Variants in AKAP6 observed in about 807,000 individuals in gnomAD.
AKAP6 encodes the protein A-kinase anchoring protein 6.
Under a neutral mutation model 188.5 loss-of-function variants are expected in AKAP6, and 58 were observed. The ratio of observed to expected loss-of-function variants is 0.31; its 90% CI spans 0.25 to 0.38. AKAP6 has a LOEUF of 0.38. Among genes scored for constraint, AKAP6 ranks in the 10% least tolerant of loss-of-function variants. AKAP6 has a pLI of 1.00. For synonymous variants in AKAP6, 989 were observed against 998.6 expected (o/e 0.99, Z 0.18); for missense variants, 2,710 against 2,740.0 (o/e 0.99, Z 0.24).
chr14:32,584,976 A>G (rs955348746), intron 5 of AKAP6, among the ~76,000 whole-genome samples: 3 of 152,148 alleles, frequency 2.0e-5, no homozygotes, highest in Non-Finnish European at 4.4e-5. Flanking sequence ...TTTGAGTAGA[A>G]GCATAATAAA....
chr14:32,488,568 C>A (rs1232746544), intron 2 of AKAP6, among the ~76,000 whole-genome samples: 2 of 152,120 alleles, frequency 1.3e-5, no homozygotes, highest in African/African-American at 4.8e-5. Flanking sequence ...TTCCAGGCAC[C>A]ACTGGGATAT....
intron 7 of AKAP6, among the ~76,000 whole-genome samples, chr14:32,634,993 C>G (rs181059718): frequency 4.0e-5 from 6 of 151,834 alleles, no homozygotes; most frequent in Non-Finnish European, 7.4e-5. Flanking sequence ...GTGTACCCAT[C>G]ATGGGGTTAG....
chr14:32,685,967 A>G (rs73264882), intron 8 of AKAP6, among the ~76,000 whole-genome samples: 5,233 of 152,284 alleles, frequency 0.034, 285 homozygotes, highest in African/African-American at 0.11. Context: ...AAATCAGTAT[A>G]TGAAAGAAAT....
intron 1 of AKAP6, among the ~76,000 whole-genome samples, chr14:32,351,153 A>G (rs114693227): frequency 0.019 from 2,957 of 152,246 alleles, 92 homozygotes; most frequent in African/African-American, 0.066. Context: ...ATCTTACTTT[A>G]TTTTTAAGCA....
intron 7 of AKAP6, among the ~76,000 whole-genome samples, chr14:32,638,488 A>G (rs1887612672): frequency 6.6e-6 from 1 of 152,168 alleles, no homozygotes; most frequent in African/African-American, 2.4e-5. Context: ...AATAGTGAGA[A>G]GAAATGAGCA....
intron 1 of AKAP6, among the ~76,000 whole-genome samples, chr14:32,362,381 A>C (rs776833463): frequency 3.3e-5 from 5 of 152,246 alleles, no homozygotes; most frequent in Admixed American, 6.5e-5. Flanking sequence ...ATTAAAATGC[A>C]GCACATTAAT....
chr14:32,710,609 GA>G (rs933874498), intron 9 of AKAP6, among the ~76,000 whole-genome samples: 2 of 151,546 alleles, frequency 1.3e-5, no homozygotes, highest in East Asian at 1.9e-4. Flanking sequence ...AATCACAGAC[GA>G]AAAAAAACAG....
chr14:32,517,709 G>A (rs1474226586), intron 2 of AKAP6, among the ~76,000 whole-genome samples: 1 of 152,192 alleles, frequency 6.6e-6, no homozygotes, highest in Non-Finnish European at 1.5e-5. Flanking sequence ...GCTCGAACTG[G>A]GTGGAGCCCA....
intron 2 of AKAP6, among the ~76,000 whole-genome samples, chr14:32,497,789 A>G (rs541333665): frequency 1.3e-5 from 2 of 151,890 alleles, no homozygotes; most frequent in Non-Finnish European, 2.9e-5. Context: ...AAGTTCTTTC[A>G]GTTTTTGCTA....
intron 11 of AKAP6, among the ~76,000 whole-genome samples, chr14:32,773,313 T>C (rs1184184712): frequency 6.6e-6 from 1 of 152,234 alleles, no homozygotes; most frequent in African/African-American, 2.4e-5. Flanking sequence ...AGGATTTTTC[T>C]ATCTTCTGCG....
intron 2 of AKAP6, among the ~76,000 whole-genome samples, chr14:32,530,280 G>C (rs1363570155): frequency 6.6e-6 from 1 of 152,130 alleles, no homozygotes; most frequent in African/African-American, 2.4e-5. Context: ...TCCTGCCTCA[G>C]TCTCCCAAAG....
intron 1 of AKAP6, among the ~76,000 whole-genome samples, chr14:32,418,974 C>G (rs1285355042): frequency 6.6e-6 from 1 of 151,986 alleles, no homozygotes; most frequent in Non-Finnish European, 1.5e-5. Flanking sequence ...ATTACTTGTT[C>G]TAGGGATTAT....
intron 2 of AKAP6, 27 bp downstream of exon 2, chr14:32,433,844 G>T: frequency 3.2e-6 from 5 of 1,586,862 alleles, no homozygotes; most frequent in Non-Finnish European, 4.3e-6. Context: ...GATCCTCTCA[G>T]GATAGAAGTT....
rs944809117 is a variant in AKAP6, at chr14:32,568,390, A to G, written c.2347-8730A>G. On this transcript the variant is annotated intron_variant, in intron 4 of 13. Transcript: ENST00000280979. This position sits in a 1 kb window ranked among gnomAD's most constrained non-coding sequence, Gnocchi z 6.2. ...TACAATGGGGAAATTTGACTATTCA[A>G]TAACTTCACAAGTTATTAGTAGGAT... is the stretch of plus-strand genomic sequence containing the variant. Among the ~76,000 whole-genome samples the G allele has an allele frequency of 2.6e-5, 4 of 152,168 alleles. No homozygotes were observed. Among genetic ancestry groups the G allele is most frequent in the Admixed American group, 2.6e-4 (4 of 15,270 alleles).
At chr14:32,618,930 A>G (rs1193588907) in intron 7 of AKAP6, among the ~76,000 whole-genome samples, 3 of 152,084 alleles carry the variant, frequency 2.0e-5, no homozygotes, top group African/African-American at 7.2e-5. Context: ...TTCCCTGATG[A>G]TCAGTGATTT....
chr14:32,544,962 A>C (rs1189611121), intron 3 of AKAP6, among the ~76,000 whole-genome samples: 1 of 152,194 alleles, frequency 6.6e-6, no homozygotes, highest in Non-Finnish European at 1.5e-5. Context: ...AAATTAAGTC[A>C]AGAATGGATT....
intron 12 of AKAP6, among the ~76,000 whole-genome samples, chr14:32,787,766 A>G (rs1024514572): frequency 4.6e-5 from 7 of 152,170 alleles, no homozygotes; most frequent in African/African-American, 1.7e-4. Context: ...GTAAGCTTCA[A>G]ATACCAAAAA....
chr14:32,528,374 C>CATT (rs905879639), intron 2 of AKAP6, among the ~76,000 whole-genome samples: 27 of 151,820 alleles, frequency 1.8e-4, no homozygotes, highest in East Asian at 5.8e-4. Context: ...CTAGGATTAT[C>CATT]ATTATTATTA....
chr14:32,725,283 T>C (rs962374109), intron 9 of AKAP6, among the ~76,000 whole-genome samples: 23 of 152,186 alleles, frequency 1.5e-4, no homozygotes, highest in Non-Finnish European at 2.9e-4. Flanking sequence ...TTTCCCGAGG[T>C]CATGTCAAGG....
Sources: gnomAD v4.1 joint callset for allele counts (sites outside exome capture counted in the v4.1 genomes callset) on GRCh38, gnomAD v4.1.1 for gene constraint, Gnocchi (gnomAD v3.1) non-coding constraint, MANE v1.5 for transcripts, NCBI Gene and HGNC (gene_info 2026-07-23, HGNC 2026-07-21) for gene names.